Variants in AGO3 observed in about 807,000 individuals in gnomAD.
The protein encoded by AGO3 is argonaute RISC catalytic component 3.
Under a neutral mutation model 105.5 loss-of-function variants are expected in AGO3, and 16 were observed. The observed-to-expected ratio is 0.15, with a 90% CI of 0.10 to 0.23. The LOEUF is 0.23. Among genes scored for constraint, AGO3 ranks in the 10% least tolerant of loss-of-function variants. The pLI is 1.00. For synonymous variants in AGO3, 340 were observed against 367.3 expected (o/e 0.93, Z 0.85); for missense variants, 534 against 1,088.0 (o/e 0.49, Z 7.16).
chr1:36,050,270 G>T (rs557034226), intron 17 of AGO3, among the ~76,000 whole-genome samples: 53 of 152,276 alleles, frequency 3.5e-4, no homozygotes, highest in South Asian at 2.5e-3. Flanking sequence ...TGGATCACTT[G>T]AGGTCAGGAG....
rs1643043619 is a variant in AGO3 at position 36,063,003 on chromosome 1, T to C, written c.*7258T>C. The C allele has an allele frequency of 6.6e-6, 1 of 152,204 alleles. No homozygotes were observed. Among genetic ancestry groups the C allele is most frequent in the Non-Finnish European group, 1.5e-5 (1 of 68,028 alleles). 9.4% of individuals were successfully genotyped at this position (152,204 alleles called of 1,614,324 possible). ...GCAACTTTTATATTTTGCTTGTCGG[T>C]TTTAAGGTATTTTATTTTTATAGAT... is the stretch of plus-strand genomic sequence containing the variant. On this transcript the variant is annotated 3_prime_UTR_variant, in exon 19 of 19. Transcript: ENST00000373191.
At chr1:35,991,158 G>A (rs1488485809) in intron 5 of AGO3, among the ~76,000 whole-genome samples, 2 of 152,134 alleles carry the variant, frequency 1.3e-5, no homozygotes, top group Non-Finnish European at 2.9e-5. Context: ...CAAAAAATTA[G>A]CCGGGCATGG....
chr1:35,965,503 A>G (rs1008978668), intron 2 of AGO3, among the ~76,000 whole-genome samples: 17 of 151,244 alleles, frequency 1.1e-4, no homozygotes, highest in South Asian at 4.2e-4. Context: ...AAAAAAAAAA[A>G]AAAAAGAAAA....
At chr1:36,022,257 A>G (rs1452149515) in intron 11 of AGO3, among the ~76,000 whole-genome samples, 2 of 151,806 alleles carry the variant, frequency 1.3e-5, no homozygotes, top group Non-Finnish European at 2.9e-5. Context: ...TGTAGAGACA[A>G]AATCTCACTA....
At chr1:36,025,500 A>G (rs968717018) in intron 11 of AGO3, among the ~76,000 whole-genome samples, 3 of 151,768 alleles carry the variant, frequency 2.0e-5, no homozygotes, top group African/African-American at 7.3e-5. Context: ...GCTTGAATAG[A>G]TGTCTCAGAA....
chr1:36,051,846 A>G (rs746259004), intron 17 of AGO3, among the ~76,000 whole-genome samples: 10 of 152,200 alleles, frequency 6.6e-5, no homozygotes, highest in Non-Finnish European at 1.3e-4. Flanking sequence ...CTCAACATCA[A>G]TAATCACCAG....
At chr1:36,004,874 ATAGT>A (rs888191900) in intron 6 of AGO3, among the ~76,000 whole-genome samples, 64 of 152,232 alleles carry the variant, frequency 4.2e-4, no homozygotes, top group African/African-American at 1.2e-3. Context: ...TTCTGAAATG[ATAGT>A]TATTTATTTT....
intron 1 of AGO3, among the ~76,000 whole-genome samples, chr1:35,938,571 G>A (rs1404944518): frequency 6.6e-6 from 1 of 152,026 alleles, no homozygotes; most frequent in East Asian, 1.9e-4. Context: ...TTTATACTGA[G>A]TACATAGCAT....
At chr1:36,002,141 T>TTCTGAGTA (rs1199749115) in intron 5 of AGO3, among the ~76,000 whole-genome samples, 2 of 152,012 alleles carry the variant, frequency 1.3e-5, no homozygotes, top group Admixed American at 1.3e-4. Context: ...GGCCTTAGCC[T>TTCTGAGTA]TCTGAGTAGC....
chr1:35,992,675 T>G (rs1374036958), intron 5 of AGO3, among the ~76,000 whole-genome samples: 1 of 152,366 alleles, frequency 6.6e-6, no homozygotes, highest in South Asian at 2.1e-4. Context: ...TAAAGGAATC[T>G]GTGACATAGC....
At chr1:35,951,923 C>T (rs1646476570) in intron 2 of AGO3, among the ~76,000 whole-genome samples, 1 of 151,926 alleles carries the variant, frequency 6.6e-6, no homozygotes, top group South Asian at 2.1e-4. Context: ...AAATGTACAC[C>T]TCAGTGGTTT....
intron 11 of AGO3, among the ~76,000 whole-genome samples, chr1:36,026,846 C>G (rs556672463): frequency 4.2e-4 from 64 of 152,328 alleles, no homozygotes; most frequent in Middle Eastern, 3.4e-3. Context: ...CATACTAACT[C>G]TAGAGCTGAG....
intron 2 of AGO3, among the ~76,000 whole-genome samples, chr1:35,947,309 C>G (rs1646384775): frequency 6.6e-6 from 1 of 151,804 alleles, no homozygotes; most frequent in African/African-American, 2.4e-5. Flanking sequence ...GAATAGATGA[C>G]TCCTAATCTT....
At chr1:35,993,942 C>T (rs1230488030) in intron 5 of AGO3, among the ~76,000 whole-genome samples, 1 of 149,366 alleles carries the variant, frequency 6.7e-6, no homozygotes, top group African/African-American at 2.5e-5. Flanking sequence ...GACAGGGTTT[C>T]ACCATGTTGG....
chr1:35,947,264 A>C (rs188280571), intron 2 of AGO3, among the ~76,000 whole-genome samples: 1 of 151,778 alleles, frequency 6.6e-6, no homozygotes, highest in African/African-American at 2.4e-5. Context: ...TTTTTTTAAC[A>C]TGTTATCAGA....
At chr1:35,995,209 A>ATATATATATATATATATAT (rs1553164849) in intron 5 of AGO3, among the ~76,000 whole-genome samples, 2 of 114,786 alleles carry the variant, frequency 1.7e-5, no homozygotes, top group African/African-American at 7.5e-5. Flanking sequence ...TAAAAAAAAA[A>ATATATATATATATATATAT]ATATATATAT....
rs1383318818 is a variant in AGO3, at chr1:35,975,820, T to G, written c.658+2309T>G. 3.3e-5 allele frequency among the ~76,000 whole-genome samples: 5 copies of G among 152,124 alleles called. No homozygotes were observed. The East Asian group carries it at 7.7e-4, about 23-fold the overall frequency. On this transcript the variant is annotated intron_variant, in intron 5 of 18. Transcript: ENST00000373191. ...TTAGGACAAATTGGCATATTTAAGG[T>G]GTTGTCTTTTCTGTCAAAGAATATA...
At chr1:35,993,649 GT>G (rs1470038550) in intron 5 of AGO3, among the ~76,000 whole-genome samples, 2 of 147,598 alleles carry the variant, frequency 1.4e-5, no homozygotes, top group Non-Finnish European at 3.0e-5. Context: ...TCACTAGTGA[GT>G]TTTTTCTATA....
intron 3 of AGO3, among the ~76,000 whole-genome samples, chr1:35,970,234 A>T (rs1369940306): frequency 6.6e-6 from 1 of 152,202 alleles, no homozygotes; most frequent in South Asian, 2.1e-4. Flanking sequence ...GAAATTTATA[A>T]ATAAGTAGAT....
Sources: allele counts gnomAD v4.1 joint callset (sites outside exome capture counted in the v4.1 genomes callset), GRCh38; gene constraint gnomAD v4.1.1; transcripts MANE v1.5; gene names NCBI Gene and HGNC (gene_info 2026-07-23, HGNC 2026-07-21).